Variants in PIN1 observed in about 807,000 individuals in gnomAD.
PIN1 encodes the protein peptidyl-prolyl cis-trans isomerase NIMA-interacting 1.
In PIN1, 8 loss-of-function variants were observed where a neutral mutation model predicts 19.9. The ratio of observed to expected loss-of-function variants is 0.40; its 90% CI spans 0.24 to 0.72. The LOEUF is 0.72. PIN1 is among the 30% of genes least tolerant of loss of function. The pLI, the probability that PIN1 is intolerant of heterozygous loss-of-function variation, is 0.37. For synonymous variants in PIN1, 86 were observed against 90.8 expected (o/e 0.95, Z 0.30); for missense variants, 185 against 226.5 (o/e 0.82, Z 1.18).
At chr19:9,842,002 G>T (rs1320148338) in intron 2 of PIN1, among the ~76,000 whole-genome samples, 1 of 152,154 alleles carries the variant, frequency 6.6e-6, no homozygotes, top group East Asian at 1.9e-4. Context: ...GTGGGCGAGG[G>T]TGTCTCGCCC....
At position 9,835,866 on chromosome 19, in the gene PIN1, C is replaced by T. The variant is rs559118141; in HGVS notation, c.58+464C>T. On this transcript the variant is annotated intron_variant, in intron 1 of 3. Coordinates refer to ENST00000247970, the MANE Select transcript of PIN1 (RefSeq NM_006221.4). ...CCTAATGCTGAGTCTGCGACATCGC[C>T]CGTGACATTCTGCCAGACGATGGCC... is the stretch of plus-strand genomic sequence containing the variant. The T allele has an allele frequency of 1.3e-4, 22 of 164,314 alleles. No individual in the cohort carries two copies. In the South Asian group the frequency reaches 4.3e-3, roughly 32 times the overall value. The allele number at this position is 164,314 out of a possible 1,614,324, so 10.2% of individuals were successfully genotyped here.
rs2046223339 is a variant in PIN1, at chr19:9,846,659, G to C, written c.272-1371G>C. On this transcript the variant is annotated intron_variant, in intron 2 of 3. Coordinates refer to ENST00000247970, the MANE Select transcript of PIN1 (RefSeq NM_006221.4). This position sits in a 1 kb window ranked among gnomAD's most constrained non-coding sequence, Gnocchi z 5.9. ...GTGTGTTCAGCAGGTGCCACGGTTG[G>C]GTGTCCAGGCCTCCCAGCACTGGCT... 6.6e-6 allele frequency among the ~76,000 whole-genome samples: 1 copy of C among 152,182 alleles called. No individual in the cohort carries two copies. Among genetic ancestry groups the C allele is most frequent in the Admixed American group, 6.5e-5 (1 of 15,288 alleles).
intron 1 of PIN1, chr19:9,836,723 C>G (rs545965580): frequency 1.4e-6 from 1 of 733,682 alleles, no homozygotes; most frequent in East Asian, 6.6e-5. Context: ...TGGTTCCTAG[C>G]TCTGCAACAC....
intron 2 of PIN1, among the ~76,000 whole-genome samples, chr19:9,839,759 T>TC (rs1294438517): frequency 3.3e-5 from 5 of 152,172 alleles, no homozygotes; most frequent in African/African-American, 1.2e-4. Context: ...TGGCTGCCAC[T>TC]CCCACCCTGT....
At chr19:9,843,583 C>G (rs2046190037) in intron 2 of PIN1, among the ~76,000 whole-genome samples, 1 of 152,240 alleles carries the variant, frequency 6.6e-6, no homozygotes, top group Non-Finnish European at 1.5e-5. Flanking sequence ...TCACTTTCCA[C>G]AGTTCTGGAG....
chr19:9,848,727 G>T lies in PIN1; in HGVS notation c.383-363G>T. On this transcript the variant is annotated intron_variant, in intron 3 of 3. Transcript: ENST00000247970. The stretch of plus-strand genomic sequence containing the variant: ...TAGTGGGGTGGGGCGGCAGCATGGG[G>T]CCAGCAGCTGCCCACCTCCTCCGAG... The T allele has an allele frequency of 6.4e-6, 2 of 310,446 alleles. 1 individual carries two copies. Among genetic ancestry groups the T allele is most frequent in the Non-Finnish European group, 1.2e-5 (2 of 164,064 alleles). 19.2% of individuals were successfully genotyped at this position (310,446 alleles called of 1,614,324 possible).
intron 1 of PIN1, chr19:9,836,730 A>T (rs915085645): frequency 9.8e-6 from 8 of 817,602 alleles, no homozygotes; most frequent in Non-Finnish European, 1.4e-5. Context: ...TAGCTCTGCA[A>T]CACCATGCAC....
chr19:9,842,318 C>T (rs376540315), intron 2 of PIN1, among the ~76,000 whole-genome samples: 2 of 152,126 alleles, frequency 1.3e-5, no homozygotes, highest in African/African-American at 2.4e-5. Context: ...ACCCTGGGCT[C>T]GTACAGGGCT....
At chr19:9,843,478 C>T (rs555442292) in intron 2 of PIN1, among the ~76,000 whole-genome samples, 9 of 152,268 alleles carry the variant, frequency 5.9e-5, no homozygotes, top group Non-Finnish European at 1.2e-4. Context: ...AGGACTACCC[C>T]ATTTGTTCCC....
In PIN1 at chr19:9,846,545, G is replaced by T. The variant is rs905745174; in HGVS notation, c.272-1485G>T. ...TGCAGCCAAACAGGGAGCTATGGCT[G>T]TGCTCTCACGGTGGTACCATTTCCA... On this transcript the variant is annotated intron_variant, in intron 2 of 3. Transcript: ENST00000247970. This position sits in a 1 kb window ranked among gnomAD's most constrained non-coding sequence, Gnocchi z 5.9. 1.3e-5 allele frequency among the ~76,000 whole-genome samples: 2 copies of T among 152,184 alleles called. No individual in the cohort carries two copies. The highest frequency in any genetic ancestry group is 4.1e-4 in the South Asian group (2 of 4,830).
intron 2 of PIN1, 60 bp from the exon 3 acceptor site, chr19:9,847,970 G>C: frequency 9.4e-7 from 1 of 1,060,566 alleles, no homozygotes; most frequent in Admixed American, 1.7e-5. Context: ...CCTCCATCCT[G>C]TCTGGTCAGG....
chr19:9,845,270 T>TTGTC, intron 2 of PIN1, among the ~76,000 whole-genome samples: 1 of 142,782 alleles, frequency 7.0e-6, no homozygotes, highest in Admixed American at 6.9e-5. Flanking sequence ...GTTTGTTTGT[T>TTGTC]TGTTTGTTTG....
intron 2 of PIN1, among the ~76,000 whole-genome samples, chr19:9,839,495 G>A (rs2046143726): frequency 6.6e-6 from 1 of 152,040 alleles, no homozygotes; most frequent in Non-Finnish European, 1.5e-5. Flanking sequence ...GCTATTCCCT[G>A]CTCTGTTCTG....
chr19:9,847,698 G>T (rs1221798207), intron 2 of PIN1, among the ~76,000 whole-genome samples: 1 of 117,390 alleles, frequency 8.5e-6, no homozygotes, highest in Non-Finnish European at 2.1e-5. Flanking sequence ...GTGTGTGTGT[G>T]TGTGTGCATG....
chr19:9,847,959 T>C (rs2046237211), intron 2 of PIN1, 71 bp from the exon 3 acceptor site: 3 of 931,290 alleles, frequency 3.2e-6, no homozygotes, highest in South Asian at 2.6e-5. Flanking sequence ...AGCTCTGGAG[T>C]CCTCCATCCT....
chr19:9,844,737 G>A (rs2046202555), intron 2 of PIN1, among the ~76,000 whole-genome samples: 1 of 152,236 alleles, frequency 6.6e-6, no homozygotes, highest in African/African-American at 2.4e-5. Flanking sequence ...GGCCCAGGAA[G>A]TCTGGCCTTA....
In PIN1 at chr19:9,849,364, C is replaced by G. The variant is rs778024674; in HGVS notation, c.*165C>G. 1.4e-6 allele frequency: 1 copy of G among 710,996 alleles called. No individual in the cohort carries two copies. Among genetic ancestry groups the G allele is most frequent in the Non-Finnish European group, 2.6e-6 (1 of 391,278 alleles). 44.0% of individuals were successfully genotyped at this position (710,996 alleles called of 1,614,324 possible). A position where few individuals can be genotyped will look rare whatever the true frequency, so the allele number is the denominator to read the frequency against. On this transcript the variant is annotated 3_prime_UTR_variant, in exon 4 of 4. Coordinates refer to ENST00000247970, the MANE Select transcript of PIN1 (RefSeq NM_006221.4). ...AGGGGGCCCTTCCAGATTGGGGGCC[C>G]TGGGGTCCCCACTCCCTGTCCATCC...
chr19:9,846,493 AC>A lies in PIN1; in HGVS notation c.272-1535del, dbSNP rs1238690048. ...GGTCGTGGTGACATCCAGCTCAGAT[AC>A]CAGGACACTGGTGGCTGCCATGACG... On this transcript the variant is annotated intron_variant, in intron 2 of 3. Coordinates refer to ENST00000247970, the MANE Select transcript of PIN1 (RefSeq NM_006221.4). This position sits in a 1 kb window ranked among gnomAD's most constrained non-coding sequence, Gnocchi z 5.9. Among the ~76,000 whole-genome samples the A allele has an allele frequency of 3.9e-5, 6 of 152,242 alleles. No homozygotes were observed. In the South Asian group the frequency reaches 1.2e-3, roughly 32 times the overall value.
intron 2 of PIN1, among the ~76,000 whole-genome samples, chr19:9,844,132 C>T (rs1290487592): frequency 1.3e-5 from 2 of 152,152 alleles, no homozygotes; most frequent in African/African-American, 4.8e-5. Flanking sequence ...CCCCAAAGTC[C>T]CCATCTCCAG....
Sources: allele counts gnomAD v4.1 joint callset (sites outside exome capture counted in the v4.1 genomes callset), GRCh38; gene constraint gnomAD v4.1.1; non-coding constraint Gnocchi (gnomAD v3.1); transcripts MANE v1.5; gene names NCBI Gene and HGNC (gene_info 2026-07-23, HGNC 2026-07-21).